VARS1: variants seen among roughly 807,000 people sequenced by gnomAD.
VARS1 encodes valine--tRNA ligase.
A neutral mutation model predicts 161.0 loss-of-function variants in VARS1; 92 were observed. The observed-to-expected ratio is 0.57, with a 90% CI of 0.48 to 0.68. The LOEUF is 0.68. Among genes scored for constraint, VARS1 ranks in the 30% least tolerant of loss-of-function variants. VARS1 has a pLI of 0.00. For missense variants in VARS1, 1,338 were observed against 1,695.9 expected, an observed-to-expected ratio of 0.79 and a Z score of 3.71; for synonymous variants, 595 against 682.5, an observed-to-expected ratio of 0.87 and a Z score of 2.00.
rs752053473 is a variant in VARS1, at chr6:31,791,679, G to C, written c.1031C>G (p.Pro344Arg). ...CAGGTGCAGGGAGCCTGTCACATTG[G>C]GGGGTGGGATGCACATCATGAAGAC... ...RGVFMMCIPP[P>R]NVTGSLHLGH... Residue 344 changes from proline to arginine, a missense_variant, in exon 8 of 30, where the codon CCC becomes CGC. Around this residue, in one of 3 missense-constraint regions of VARS1, gnomAD observed 902 missense variants for 1,090.3 expected, o/e 0.83. Transcript: ENST00000375663. This position sits in a 1 kb window ranked among gnomAD's most constrained non-coding sequence, Gnocchi z 5.0. 19 of 1,612,918 alleles carry C rather than the reference G, an allele frequency of 1.2e-5. No individual in the cohort carries two copies. The highest frequency in any genetic ancestry group is 1.4e-5 in the Non-Finnish European group (17 of 1,180,024).
In VARS1 at chr6:31,778,607, T is replaced by C. The variant is rs1253147319; in HGVS notation, c.3726+360A>G. Among the ~76,000 whole-genome samples, 1 of 152,142 alleles carries C rather than the reference T, an allele frequency of 6.6e-6. No homozygotes were observed. The highest frequency in any genetic ancestry group is 1.5e-5 in the Non-Finnish European group (1 of 68,028). ...TCACTGCAGTCTTGACCTCCCAGGCTCAAGCAATCCGCCCACCTCAGCCCC... is the reference window on the plus strand; with the variant it reads ...TCACTGCAGTCTTGACCTCCCAGGCCCAAGCAATCCGCCCACCTCAGCCCC... On this transcript the variant is annotated intron_variant, in intron 29 of 29. Transcript: ENST00000375663. This position sits in a 1 kb window ranked among gnomAD's most constrained non-coding sequence, Gnocchi z 5.1.
At position 31,779,345 on chromosome 6, in the gene VARS1, G is replaced by C; in HGVS notation, c.3401-53C>G. 6.2e-7 allele frequency: 1 copy of C among 1,601,614 alleles called. No individual in the cohort carries two copies. Among genetic ancestry groups the C allele is most frequent in the Non-Finnish European group, 8.5e-7 (1 of 1,178,946 alleles). On this transcript the variant is annotated intron_variant, in intron 28 of 29. Transcript: ENST00000375663. The surrounding 1 kb of genome is among the most constrained non-coding windows in gnomAD (Gnocchi z 9.1). ...TAGCTCCATGGAGACAGGAAACCAA[G>C]CAGTCACTGCCGGACACTGGGTCCC...
rs1813432288 is a variant in VARS1, at chr6:31,785,413, C to T, written c.1266-86G>A. The T allele has an allele frequency of 6.4e-7, 1 of 1,574,782 alleles. No homozygotes were observed. Among genetic ancestry groups the T allele is most frequent in the South Asian group, 1.1e-5 (1 of 88,520 alleles). On this transcript the variant is annotated intron_variant, in intron 9 of 29. Coordinates refer to ENST00000375663, the MANE Select transcript of VARS1 (RefSeq NM_006295.3). This position sits in a 1 kb window ranked among gnomAD's most constrained non-coding sequence, Gnocchi z 6.1. ...CTGACTGGGCAGTGTGGAGATCACC[C>T]ATCCCCCTGAAATTTACCTGGGCCC...
At position 31,779,789 on chromosome 6, in the gene VARS1, C is replaced by G; in HGVS notation, c.3107G>C (p.Gly1036Ala). Residue 1036 changes from glycine to alanine, a missense_variant, in exon 27 of 30, where the codon GGG becomes GCG. By Grantham distance (60) the Gly-to-Ala change is moderately conservative (BLOSUM62 0). Around this residue, in one of 3 missense-constraint regions of VARS1, gnomAD observed 433 missense variants for 586.2 expected, o/e 0.74. Transcript: ENST00000375663. The surrounding 1 kb of genome is among the most constrained non-coding windows in gnomAD (Gnocchi z 9.1). ...ACACTCAGCTGCCACCTGGTCCACC[C>G]CATTCAGTACAGGTTTCAGGCACTC... ...YLECLKPVLNGVDQVAAECAR... is the reference protein window; with the variant it reads ...YLECLKPVLNAVDQVAAECAR... 1.2e-6 allele frequency: 2 copies of G among 1,612,994 alleles called. No homozygotes were observed. The highest frequency in any genetic ancestry group is 1.7e-6 in the Non-Finnish European group (2 of 1,180,000).
rs200418027 is a variant in VARS1 at position 31,777,636 on chromosome 6, C to T, written c.3753G>A (p.Arg1251=). 1 of 1,613,980 alleles carries T rather than the reference C, an allele frequency of 6.2e-7. No homozygotes were observed. Among genetic ancestry groups the T allele is most frequent in the African/African-American group, 1.3e-5 (1 of 75,028 alleles). Residue 1251 remains arginine (R), a synonymous_variant, in exon 30 of 30, where the codon AGG becomes AGA. Transcript: ENST00000375663. This position sits in a 1 kb window ranked among gnomAD's most constrained non-coding sequence, Gnocchi z 5.8. ...AKLQQTEAEL[R]KVDEAIALFQ... ...ATAGGGCGATGGCCTCATCCACCTT[C>T]CTGAGCTCTGCTTCTGTCTGTTGGA...
chr6:31,794,815 T>C lies in VARS1; in HGVS notation c.387+16A>G, dbSNP rs1814148435. 1 of 1,556,186 alleles carries C rather than the reference T, an allele frequency of 6.4e-7. No individual in the cohort carries two copies. Among genetic ancestry groups the C allele is most frequent in the Non-Finnish European group, 8.7e-7 (1 of 1,145,422 alleles). On this transcript the variant is annotated intron_variant, in intron 2 of 29. Transcript: ENST00000375663. ...CTGAATTTCTCCCCTCCCCCTCTTCTGTACAACCCCCTCACCTGGGGGTCC... is the reference window on the plus strand; with the variant it reads ...CTGAATTTCTCCCCTCCCCCTCTTCCGTACAACCCCCTCACCTGGGGGTCC...
Position 31,780,855 on chromosome 6 carries a change from C to A in VARS1, c.2718+15G>T, listed in dbSNP as rs745913820. On this transcript the variant is annotated intron_variant, in intron 23 of 29. Transcript: ENST00000375663. The surrounding 1 kb of genome is among the most constrained non-coding windows in gnomAD (Gnocchi z 5.1). ...CACGCTGTGCTCCTGCTTAGCCCAG[C>A]CCAACCCTCCATACCTGCCCTTCTT... 6.2e-6 allele frequency: 10 copies of A among 1,614,200 alleles called. No individual in the cohort carries two copies. Among genetic ancestry groups the A allele is most frequent in the Non-Finnish European group, 8.5e-6 (10 of 1,180,028 alleles).
In VARS1 at chr6:31,781,199, TCTGGTCTACCCCA is replaced by T. The variant is rs1324094785; in HGVS notation, c.2545-89_2545-77del. ...CCTCAGTGCCCCGACCAGGACTGTG[TCTGGTCTACCCCA>T]CTGTGAACCTCAGGTCCCACTGAGT... On this transcript the variant is annotated intron_variant, in intron 21 of 29. Transcript: ENST00000375663. This position sits in a 1 kb window ranked among gnomAD's most constrained non-coding sequence, Gnocchi z 6.8. The T allele has an allele frequency of 6.6e-7, 1 of 1,510,400 alleles. No homozygotes were observed. Among genetic ancestry groups the T allele is most frequent in the African/African-American group, 1.4e-5 (1 of 73,010 alleles). The allele number at this position is 1,510,400 out of a possible 1,614,324, so 93.6% of individuals were successfully genotyped here. A position where few individuals can be genotyped will look rare whatever the true frequency, so the allele number is the denominator to read the frequency against.
At chr6:31,783,216 G>T (rs1406633995) in intron 13 of VARS1, 30 bp from the exon 14 acceptor site, 1 of 1,606,824 alleles carries the variant, frequency 6.2e-7, no homozygotes, top group Non-Finnish European at 8.5e-7. Flanking sequence ...AAAAACGCAT[G>T]AAGCAGGGCC....
rs1034093310 is a variant in VARS1 at position 31,781,590 on chromosome 6, A to G, written c.2435T>C (p.Val812Ala). 2.3e-5 allele frequency: 37 copies of G among 1,612,766 alleles called. 1 individual carries two copies. In the East Asian group the frequency reaches 8.0e-4, roughly 35 times the overall value. The change falls in exon 21 of 30, where the codon GTG (valine) becomes GCG (alanine). Residue 812 changes from valine (V) to alanine (A), a missense_variant. By Grantham distance (64) the Val-to-Ala change is moderately conservative (BLOSUM62 0). Coordinates refer to ENST00000375663, the MANE Select transcript of VARS1 (RefSeq NM_006295.3). This position sits in a 1 kb window ranked among gnomAD's most constrained non-coding sequence, Gnocchi z 6.8. ...GWPNQSEDLS[V>A]FYPGTLLETG... is the part of the protein sequence containing the mutation. ...CTCCAGCAGTGTCCCGGGGTAGAAC[A>G]CACTCAGGTCTTCTGACTGAGGGCA...
In VARS1 at chr6:31,782,126, G is replaced by A. The variant is rs777833494; in HGVS notation, c.2202C>T (p.Tyr734=). The A allele has an allele frequency of 5.6e-6, 9 of 1,613,866 alleles. No individual in the cohort carries two copies. The highest frequency in any genetic ancestry group is 2.2e-5 in the South Asian group (2 of 91,086). ...CCGCTGGGTCACTGACAGTGACAAAGTAGGCTGGGATGCGATGGCCCCACC... is the reference window on the plus strand; with the variant it reads ...CCGCTGGGTCACTGACAGTGACAAAATAGGCTGGGATGCGATGGCCCCACC... ...QLWWGHRIPA[Y]FVTVSDPAVP... is the part of the protein sequence containing the mutation. Residue 734 remains tyrosine, a synonymous_variant, in exon 18 of 30, where the codon TAC becomes TAT. Transcript: ENST00000375663. The surrounding 1 kb of genome is among the most constrained non-coding windows in gnomAD (Gnocchi z 8.3).
At position 31,781,255 on chromosome 6, in the gene VARS1, G is replaced by T; in HGVS notation, c.2545-132C>A. 8.2e-7 allele frequency: 1 copy of T among 1,215,112 alleles called. No homozygotes were observed. Among genetic ancestry groups the T allele is most frequent in the South Asian group, 1.3e-5 (1 of 74,820 alleles). 75.3% of individuals were successfully genotyped at this position (1,215,112 alleles called of 1,614,324 possible). ...CACTGAGTGTCCCCAAGAGCTCGTT[G>T]AGCGCCTTTATGTGAATCAGAAGCA... On this transcript the variant is annotated intron_variant, in intron 21 of 29. Transcript: ENST00000375663. The surrounding 1 kb of genome is among the most constrained non-coding windows in gnomAD (Gnocchi z 6.8).
rs1813394687 is a variant in VARS1 at position 31,784,780 on chromosome 6, G to A, written c.1348-66C>T. ...GCCTGGAGGCCCAGGCAGACACCCA[G>A]GGCTCCAGTGAGGCCTTGCCCATAC... On this transcript the variant is annotated intron_variant, in intron 10 of 29. Transcript: ENST00000375663. The surrounding 1 kb of genome is among the most constrained non-coding windows in gnomAD (Gnocchi z 6.1). 1.2e-6 allele frequency: 2 copies of A among 1,605,826 alleles called. No individual in the cohort carries two copies. The highest frequency in any genetic ancestry group is 1.7e-6 in the Non-Finnish European group (2 of 1,176,438).
At position 31,781,823 on chromosome 6, in the gene VARS1, C is replaced by T. The variant is rs760270776; in HGVS notation, c.2347+24G>A. 6 of 1,612,916 alleles carry T rather than the reference C, an allele frequency of 3.7e-6. No individual in the cohort carries two copies. The highest frequency in any genetic ancestry group is 4.2e-6 in the Non-Finnish European group (5 of 1,180,016). On this transcript the variant is annotated intron_variant, in intron 19 of 29. Transcript: ENST00000375663. The surrounding 1 kb of genome is among the most constrained non-coding windows in gnomAD (Gnocchi z 6.8). ...GAGCTCTGCCCCCCACAACTCCCTC[C>T]AGACCCTCAAAGCCCCGCCTTGCCT... is the stretch of plus-strand genomic sequence containing the variant.
rs1813157440 is a variant in VARS1 at position 31,781,678 on chromosome 6, C to T, written c.2418+13G>A. On this transcript the variant is annotated intron_variant, in intron 20 of 29. Coordinates refer to ENST00000375663, the MANE Select transcript of VARS1 (RefSeq NM_006295.3). This position sits in a 1 kb window ranked among gnomAD's most constrained non-coding sequence, Gnocchi z 6.8. ...GTCCCCTGTCCCGCCAAGCCCCGGC[C>T]CCAGGAACACACCTGGTTGGGCCAG... 2 of 1,612,964 alleles carry T rather than the reference C, an allele frequency of 1.2e-6. No individual in the cohort carries two copies. The highest frequency in any genetic ancestry group is 1.3e-5 in the African/African-American group (1 of 75,030).
At chr6:31,793,991 C>A (rs1039133511) in intron 2 of VARS1, among the ~76,000 whole-genome samples, 1 of 150,518 alleles carries the variant, frequency 6.6e-6, no homozygotes, top group African/African-American at 2.4e-5. Context: ...GTAATCCCAG[C>A]TACTCAGAAG....
Position 31,780,433 on chromosome 6 carries a change from G to A in VARS1, c.2925+8C>T. On this transcript the variant is annotated splice_region_variant and intron_variant, in intron 25 of 29. Transcript: ENST00000375663. This position sits in a 1 kb window ranked among gnomAD's most constrained non-coding sequence, Gnocchi z 5.1. Reference sequence around the variant, plus strand: ...TGCTGCCAGCTTTGCTGCCCACCAGGCCCTTACCTGGGAGGTGGGTGAGGG... The same window carrying A: ...TGCTGCCAGCTTTGCTGCCCACCAGACCCTTACCTGGGAGGTGGGTGAGGG... The A allele has an allele frequency of 6.2e-7, 1 of 1,611,092 alleles. No homozygotes were observed. Among genetic ancestry groups the A allele is most frequent in the South Asian group, 1.1e-5 (1 of 90,494 alleles).
At position 31,795,005 on chromosome 6, in the gene VARS1, C is replaced by G; in HGVS notation, c.213G>C (p.Gly71=). Residue 71 remains glycine (G), a synonymous_variant, in exon 2 of 30, where the codon GGG becomes GGC. Transcript: ENST00000375663. The surrounding 1 kb of genome is among the most constrained non-coding windows in gnomAD (Gnocchi z 6.9). ...EQGPGGLWVW[G]ATAVAQLLWP... is the part of the protein sequence containing the mutation. Reference sequence around the variant, plus strand: ...ACAGCAGCTGGGCCACAGCCGTGGCCCCCCACACCCAGAGCCCACCGGGCC... The same window carrying G: ...ACAGCAGCTGGGCCACAGCCGTGGCGCCCCACACCCAGAGCCCACCGGGCC... 1 of 1,601,962 alleles carries G rather than the reference C, an allele frequency of 6.2e-7. No individual in the cohort carries two copies. The highest frequency in any genetic ancestry group is 8.5e-7 in the Non-Finnish European group (1 of 1,173,196).
intron 6 of VARS1, 57 bp downstream of exon 6, chr6:31,792,160 T>C (rs749038861): frequency 1.1e-5 from 17 of 1,594,964 alleles, no homozygotes; most frequent in Non-Finnish European, 1.5e-5. Context: ...TAGAGCAAGA[T>C]AGGGTGAAAA....
Sources: gnomAD v4.1 joint callset for allele counts (sites outside exome capture counted in the v4.1 genomes callset) on GRCh38, gnomAD v4.1.1 for gene constraint, gnomAD v4.1.1 regional missense constraint, Gnocchi (gnomAD v3.1) non-coding constraint, MANE v1.5 for transcripts, NCBI Gene and HGNC (gene_info 2026-07-23, HGNC 2026-07-21) for gene names.